MACF1: variants seen among roughly 807,000 people sequenced by gnomAD.
MACF1 encodes the protein microtubule-actin cross-linking factor 1.
A neutral mutation model predicts 854.8 loss-of-function variants in MACF1; 193 were observed. The ratio of observed to expected loss-of-function variants is 0.23; its 90% CI spans 0.20 to 0.25. The LOEUF is 0.25. MACF1 is among the 10% of genes least tolerant of loss of function. The pLI is 1.00. For missense variants in MACF1, 7,722 were observed against 8,929.1 expected (o/e 0.86, Z 5.45); for synonymous variants, 3,185 against 3,226.7 (o/e 0.99, Z 0.44).
Position 39,332,437 on chromosome 1 carries a change from A to G in MACF1, c.5849A>G (p.Lys1950Arg), listed in dbSNP as rs767548398. 1.2e-6 allele frequency: 2 copies of G among 1,614,088 alleles called. No individual in the cohort carries two copies. Among genetic ancestry groups the G allele is most frequent in the Non-Finnish European group, 1.7e-6 (2 of 1,180,032 alleles). ...NPGAAVLPCS[K>R]SHPKATASQS... ...GGAGCAGCAGTTCTACCGTGCAGCA[A>G]GAGCCACCCTAAGGCCACAGCAAGC... Residue 1950 changes from lysine (K) to arginine (R), a missense_variant, in exon 37 of 101, where the codon AAG becomes AGG. This residue lies in a region of MACF1 where 1,531 missense variants were observed against 1,601.6 expected (regional missense o/e 0.96). Coordinates refer to ENST00000564288, the MANE Select transcript of MACF1 (RefSeq NM_001394062.1).
chr1:39,292,994 T>C, intron 17 of MACF1, 151 bp downstream of exon 17: 1 of 599,238 alleles, frequency 1.7e-6, no homozygotes, highest in Non-Finnish European at 2.9e-6. Context: ...TATTCATATC[T>C]ATTATAACAT....
At chr1:39,098,730 T>C (rs1641994577) in intron 2 of MACF1, among the ~76,000 whole-genome samples, 1 of 151,946 alleles carries the variant, frequency 6.6e-6, no homozygotes, top group Admixed American at 6.6e-5. Context: ...ATTTTGAGGG[T>C]TGCTATGGTG....
In MACF1 at chr1:39,084,277, G is replaced by C. The variant is rs750161315; in HGVS notation, c.59G>C (p.Cys20Ser). The C allele has an allele frequency of 1.9e-6, 3 of 1,613,830 alleles. No homozygotes were observed. The highest frequency in any genetic ancestry group is 2.5e-6 in the Non-Finnish European group (3 of 1,179,934). ...CGGTCATGTCGGAGTGAGCGGTCTT[G>C]TCGGAGTGAGCGATCTTACAGGAGC... The change falls in exon 2 of 94, where the codon TGT (cysteine) becomes TCT (serine). Residue 20 changes from cysteine to serine, a missense_variant. Coordinates refer to the MACF1 transcript ENST00000361689. The surrounding 1 kb of genome is among the most constrained non-coding windows in gnomAD (Gnocchi z 5.2).
rs1195033716 is a variant in MACF1 at position 39,428,130 on chromosome 1, C to T, written c.16646C>T (p.Ala5549Val). The T allele has an allele frequency of 6.2e-7, 1 of 1,614,070 alleles. No homozygotes were observed. Among genetic ancestry groups the T allele is most frequent in the East Asian group, 2.2e-5 (1 of 44,898 alleles). ...SEIQDRCCRK[A>V]ALLDQALSNA... ...ATTCAAGACCGCTGTTGTCGGAAGG[C>T]AGCCCTACTTGACCAAGCTCTGTCT... The change falls in exon 63 of 101, where the codon GCA (alanine) becomes GTA (valine). Residue 5549 changes from alanine to valine, a missense_variant. Ala to Val is a moderately conservative substitution (Grantham distance 64, BLOSUM62 0). This residue lies in a region of MACF1 where 2,807 missense variants were observed against 3,235.8 expected (regional missense o/e 0.87). Transcript: ENST00000564288.
chr1:39,387,388 C>G lies in MACF1; in HGVS notation c.14546C>G (p.Ser4849Cys), dbSNP rs1292959030. 6.2e-7 allele frequency: 1 copy of G among 1,614,164 alleles called. No individual in the cohort carries two copies. The highest frequency in any genetic ancestry group is 1.7e-5 in the Admixed American group (1 of 60,006). ...FQKSLNQHSG[S>C]YEVIVAEGES... ...AAAAGTCTTAATCAACACAGTGGCT[C>G]CTATGAGGTGATTGTGGCTGAAGGG... The change falls in exon 58 of 101, where the codon TCC becomes TGC. Residue 4849 changes from serine to cysteine, a missense_variant. This residue lies in a region of MACF1 where 2,807 missense variants were observed against 3,235.8 expected (regional missense o/e 0.87). Transcript: ENST00000564288.
At chr1:39,229,135 C>A (rs1478968843) in intron 1 of MACF1, among the ~76,000 whole-genome samples, 1 of 152,150 alleles carries the variant, frequency 6.6e-6, no homozygotes, top group Non-Finnish European at 1.5e-5. Flanking sequence ...TTTGGAGAGA[C>A]CTTTCAATGT....
chr1:39,370,033 G>A lies in MACF1; in HGVS notation c.12942G>A (p.Glu4314=). The change falls in exon 51 of 101, where the codon GAG becomes GAA. Residue 4314 remains glutamate (E), a synonymous_variant. Transcript: ENST00000564288. ...TELQKTVKER[E]KDASSCQEQL... ...AACAAAACTGCTTCATTGACAGAGA[G>A]AAAGATGCATCATCTTGCCAGGAAC... 1 of 1,609,984 alleles carries A rather than the reference G, an allele frequency of 6.2e-7. No individual in the cohort carries two copies. Among genetic ancestry groups the A allele is most frequent in the African/African-American group, 1.3e-5 (1 of 74,784 alleles).
At position 39,372,561 on chromosome 1, in the gene MACF1, T is replaced by C. The variant is rs574942051; in HGVS notation, c.13178T>C (p.Met4393Thr). 4.3e-6 allele frequency: 7 copies of C among 1,613,590 alleles called. No individual in the cohort carries two copies. Among genetic ancestry groups the C allele is most frequent in the Non-Finnish European group, 5.9e-6 (7 of 1,179,684 alleles). The change falls in exon 52 of 101, where the codon ATG (methionine) becomes ACG (threonine). Residue 4393 changes from methionine (M) to threonine (T), a missense_variant. Coordinates refer to ENST00000564288, the MANE Select transcript of MACF1 (RefSeq NM_001394062.1). ...CKGTSLENLI[M>T]EITAPDSQGK... ...GGTACTTCTTTAGAAAATCTCATCA[T>C]GGAAATCACAGCACCTGATTCCCAA... is the stretch of plus-strand genomic sequence containing the variant.
At chr1:39,373,470 C>A (rs1569773137) in intron 52 of MACF1, 1 of 84,822 alleles carries the variant, frequency 1.2e-5, no homozygotes, top group African/African-American at 5.5e-5. Context: ...GACTCCATCT[C>A]AGGAAAAAAA....
intron 58 of MACF1, among the ~76,000 whole-genome samples, chr1:39,419,787 C>T (rs916328120): frequency 6.3e-5 from 9 of 143,080 alleles, no homozygotes; most frequent in African/African-American, 2.4e-4. Flanking sequence ...CGTGCGCCAC[C>T]ATGCCTGGCT....
At chr1:39,175,733 A>G (rs1349264314) in intron 2 of MACF1, among the ~76,000 whole-genome samples, 2 of 151,038 alleles carry the variant, frequency 1.3e-5, no homozygotes, top group East Asian at 2.0e-4. Flanking sequence ...CAGGCGAATC[A>G]CTTGAGGCCA....
chr1:39,084,488 T>G lies in MACF1; in HGVS notation c.220+50T>G. The stretch of plus-strand genomic sequence containing the variant: ...GGACGCTGTGGGTGTGAGGGAGGAA[T>G]GGGCCAGGGCACAGCAGCTGTGTGG... On this transcript the variant is annotated intron_variant, in intron 2 of 93. Transcript: ENST00000361689. This position sits in a 1 kb window ranked among gnomAD's most constrained non-coding sequence, Gnocchi z 5.2. 1 of 1,524,972 alleles carries G rather than the reference T, an allele frequency of 6.6e-7. No homozygotes were observed. The highest frequency in any genetic ancestry group is 8.9e-7 in the Non-Finnish European group (1 of 1,124,700). 94.5% of individuals were successfully genotyped at this position (1,524,972 alleles called of 1,614,324 possible).
chr1:39,459,918 C>A, intron 91 of MACF1: 1 of 1,072,084 alleles, frequency 9.3e-7, no homozygotes, highest in Non-Finnish European at 1.3e-6. Flanking sequence ...TTCCCCCATT[C>A]CTTCTAACTT....
At chr1:39,162,123 C>G (rs565387318) in intron 2 of MACF1, among the ~76,000 whole-genome samples, 2 of 151,854 alleles carry the variant, frequency 1.3e-5, no homozygotes, top group African/African-American at 4.8e-5. Context: ...ACCTCAGCCT[C>G]CTGAGTAGCT....
chr1:39,299,958 T>G (rs1468163485), intron 21 of MACF1, among the ~76,000 whole-genome samples: 1 of 152,200 alleles, frequency 6.6e-6, no homozygotes, highest in African/African-American at 2.4e-5. Flanking sequence ...TGCATGTGAC[T>G]TTATGGTTCA....
chr1:39,465,271 G>A (rs557070948), intron 95 of MACF1, among the ~76,000 whole-genome samples, 159 bp downstream of exon 95: 17 of 152,286 alleles, frequency 1.1e-4, no homozygotes, highest in African/African-American at 4.1e-4. Context: ...GGCCAGCATT[G>A]CAAAGCTATC....
At chr1:39,156,032 C>T (rs964516091) in intron 2 of MACF1, among the ~76,000 whole-genome samples, 14 of 152,310 alleles carry the variant, frequency 9.2e-5, no homozygotes, top group African/African-American at 2.2e-4. Context: ...GGACTACAGG[C>T]GCCCGCCACC....
At position 39,188,792 on chromosome 1, in the gene MACF1, C is replaced by T. The variant is rs143687740; in HGVS notation, c.221-42390C>T. On this transcript the variant is annotated intron_variant, in intron 2 of 93. Coordinates refer to the MACF1 transcript ENST00000361689. ...GCTAATTTTGTATTTTTAGTAGAGG[C>T]GGGGTTTCACCATGTTGGCCAGGCT... Among the ~76,000 whole-genome samples, 253 of 152,142 alleles carry T rather than the reference C, an allele frequency of 1.7e-3. 1 individual carries two copies. Among genetic ancestry groups the T allele is most frequent in the East Asian group, 8.3e-3 (43 of 5,164 alleles).
chr1:39,310,887 C>T lies in MACF1; in HGVS notation c.3157C>T (p.Leu1053=). Residue 1053 remains leucine, a synonymous_variant, in exon 26 of 101, where the codon CTA becomes TTA. Transcript: ENST00000564288. ...MYISELKNIR[L]RLEEYEQRVV... is the part of the protein sequence containing the mutation. ...CATTTCAGAGTTGAAGAACATCCGG[C>T]TACGCCTGGAGGAGTATGAACAGAG... 1.2e-6 allele frequency: 2 copies of T among 1,614,144 alleles called. No homozygotes were observed. Among genetic ancestry groups the T allele is most frequent in the East Asian group, 2.2e-5 (1 of 44,880 alleles).
Sources: allele counts gnomAD v4.1 joint callset (sites outside exome capture counted in the v4.1 genomes callset), GRCh38; gene constraint gnomAD v4.1.1; regional missense constraint gnomAD v4.1.1; non-coding constraint Gnocchi (gnomAD v3.1); transcripts MANE v1.5; gene names NCBI Gene and HGNC (gene_info 2026-07-23, HGNC 2026-07-21).